ZNF385D: variants seen among roughly 807,000 people sequenced by gnomAD.
ZNF385D encodes the protein zinc finger protein 659.
In ZNF385D, 15 loss-of-function variants were observed where a neutral mutation model predicts 35.8. The ratio of observed to expected loss-of-function variants is 0.42; its 90% CI spans 0.28 to 0.64. The LOEUF (loss-of-function observed/expected upper bound fraction) is 0.64. ZNF385D is among the 30% of genes least tolerant of loss of function. The probability of loss-of-function intolerance (pLI) is 0.23; values close to 1 mark genes in which losing one functional copy is unlikely to be tolerated. For synonymous variants in ZNF385D, 212 were observed against 186.8 expected, an observed-to-expected ratio of 1.13 and a Z score of -1.10; for missense variants, 474 against 494.6, an observed-to-expected ratio of 0.96 and a Z score of 0.39.
In ZNF385D at chr3:21,415,679, C is replaced by A. The variant is rs542537844; in HGVS notation, c.*5535G>T. On this transcript the variant is annotated 3_prime_UTR_variant, in exon 8 of 8. Transcript: ENST00000281523. Reference sequence around the variant, plus strand: ...TAATTATACTTCTTTGCTCACAAATCATTTTAGCCCTAATCTTTAAAAATT... The same window carrying A: ...TAATTATACTTCTTTGCTCACAAATAATTTTAGCCCTAATCTTTAAAAATT... 7.2e-5 allele frequency: 11 copies of A among 152,182 alleles called. No homozygotes were observed. The highest frequency in any genetic ancestry group is 1.3e-4 in the Non-Finnish European group (9 of 67,994). The allele number at this position is 152,182 out of a possible 1,614,324, so 9.4% of individuals were successfully genotyped here.
At chr3:22,261,175 G>T (rs554833131) in intron 2 of ZNF385D, among the ~76,000 whole-genome samples, 1 of 151,720 alleles carries the variant, frequency 6.6e-6, no homozygotes, top group African/African-American at 2.4e-5. Flanking sequence ...TCTCAAATTT[G>T]TTGTTCATCC....
intron 3 of ZNF385D, among the ~76,000 whole-genome samples, chr3:22,078,818 G>T (rs1265265157): frequency 6.6e-6 from 1 of 151,872 alleles, no homozygotes; most frequent in Non-Finnish European, 1.5e-5. Context: ...AAAATAATAT[G>T]GATATATAAG....
At chr3:21,777,707 T>C (rs1285025076) in intron 3 of ZNF385D, 1 of 151,958 alleles carries the variant, frequency 6.6e-6, no homozygotes, top group African/African-American at 2.4e-5. Flanking sequence ...TTTTCCCTAA[T>C]AAGGCATATT....
intron 1 of ZNF385D, among the ~76,000 whole-genome samples, chr3:21,694,630 G>A (rs2067407597): frequency 1.3e-5 from 2 of 152,194 alleles, no homozygotes. Flanking sequence ...CTATGGTGAA[G>A]TAATCCCCTG....
intron 3 of ZNF385D, among the ~76,000 whole-genome samples, chr3:21,819,840 C>T (rs1162664397): frequency 1.4e-5 from 2 of 146,922 alleles, no homozygotes; most frequent in African/African-American, 2.5e-5. Flanking sequence ...AAATATAATA[C>T]ACATATATAC....
intron 3 of ZNF385D, among the ~76,000 whole-genome samples, chr3:21,874,372 G>T (rs143478105): frequency 1.3e-5 from 2 of 151,878 alleles, no homozygotes; most frequent in African/African-American, 4.8e-5. Context: ...TTGTTATTGA[G>T]TTGTAGGAAT....
intron 4 of ZNF385D, among the ~76,000 whole-genome samples, chr3:21,507,558 T>C (rs560479888): frequency 1.3e-5 from 2 of 152,198 alleles, no homozygotes; most frequent in Non-Finnish European, 2.9e-5. Context: ...ATCTACCTCT[T>C]CTTCTCCTTC....
chr3:21,964,443 A>AAG (rs1702778516), intron 3 of ZNF385D, among the ~76,000 whole-genome samples: 2 of 146,146 alleles, frequency 1.4e-5, no homozygotes, highest in Non-Finnish European at 3.0e-5. Flanking sequence ...GAAAAAAAAA[A>AAG]AAAGAAAAAG....
rs376561930 is a variant in ZNF385D at position 22,198,541 on chromosome 3, G to A, written c.107-29506C>T. Among the ~76,000 whole-genome samples the A allele has an allele frequency of 3.3e-5, 5 of 152,104 alleles. No individual in the cohort carries two copies. In the South Asian group the frequency reaches 6.2e-4, roughly 19 times the overall value. On this transcript the variant is annotated intron_variant, in intron 2 of 5. Transcript: ENST00000494108. ...TGTTTTCTAATATTATTGAATTGTA[G>A]GTATTTGTAAAGCAAGAACATTTTG...
chr3:21,734,464 T>C (rs572221009), intron 1 of ZNF385D, among the ~76,000 whole-genome samples: 1 of 152,120 alleles, frequency 6.6e-6, no homozygotes, highest in East Asian at 1.9e-4. Flanking sequence ...TATGCTCTTA[T>C]ATAAGATATT....
At position 21,884,819 on chromosome 3, in the gene ZNF385D, C is replaced by T. The variant is rs139116710; in HGVS notation, c.326-219791G>A. On this transcript the variant is annotated intron_variant, in intron 3 of 5. Coordinates refer to the ZNF385D transcript ENST00000494108. ...GCAATATTTACACGGTGGAAATTGG[C>T]AAACATTTTAAATAAAGGTTGATTT... Among the ~76,000 whole-genome samples, 704 of 152,076 alleles carry T rather than the reference C, an allele frequency of 4.6e-3. 9 individuals carry two copies. Among genetic ancestry groups the T allele is most frequent in the African/African-American group, 0.016 (684 of 41,502 alleles).
At chr3:22,112,391 C>A (rs1702581367) in intron 3 of ZNF385D, among the ~76,000 whole-genome samples, 1 of 151,920 alleles carries the variant, frequency 6.6e-6, no homozygotes. Flanking sequence ...AAATAATGCA[C>A]AAAAATATTA....
At chr3:21,739,064 C>T (rs190248835) in intron 1 of ZNF385D, among the ~76,000 whole-genome samples, 4 of 152,308 alleles carry the variant, frequency 2.6e-5, no homozygotes, top group East Asian at 1.9e-4. Context: ...CTCTCAGAAG[C>T]GTATGGCATT....
chr3:21,569,076 G>A (rs1054084009), intron 2 of ZNF385D, among the ~76,000 whole-genome samples: 1 of 152,140 alleles, frequency 6.6e-6, no homozygotes, highest in African/African-American at 2.4e-5. Context: ...TGTCTATTAG[G>A]TCCGCTTGGT....
chr3:22,285,195 A>C (rs564174706), intron 2 of ZNF385D, among the ~76,000 whole-genome samples: 22 of 152,284 alleles, frequency 1.4e-4, no homozygotes, highest in African/African-American at 4.8e-4. Flanking sequence ...ACTTATCTTC[A>C]AACAGGTTAC....
chr3:21,688,468 G>A (rs2067179996), intron 1 of ZNF385D, among the ~76,000 whole-genome samples: 1 of 152,198 alleles, frequency 6.6e-6, no homozygotes, highest in South Asian at 2.1e-4. Flanking sequence ...AAAAGATCAT[G>A]AATACTATGA....
At chr3:22,214,609 C>A (rs967648772) in intron 2 of ZNF385D, among the ~76,000 whole-genome samples, 1 of 151,960 alleles carries the variant, frequency 6.6e-6, no homozygotes, top group Non-Finnish European at 1.5e-5. Context: ...TCTAAAATGG[C>A]CGCTTCAGGG....
intron 3 of ZNF385D, among the ~76,000 whole-genome samples, chr3:21,988,630 G>A (rs937727266): frequency 1.3e-5 from 2 of 151,164 alleles, no homozygotes; most frequent in African/African-American, 4.8e-5. Flanking sequence ...TTGTTTGTCT[G>A]TGCCCTGCCC....
intron 3 of ZNF385D, among the ~76,000 whole-genome samples, chr3:21,919,815 T>C (rs1322025055): frequency 6.6e-6 from 1 of 152,232 alleles, no homozygotes; most frequent in East Asian, 1.9e-4. Context: ...ATTTTGATAT[T>C]ATTAAGTACA....
Sources: gnomAD v4.1 joint callset for allele counts (sites outside exome capture counted in the v4.1 genomes callset) on GRCh38, gnomAD v4.1.1 for gene constraint, MANE v1.5 for transcripts, NCBI Gene and HGNC (gene_info 2026-07-23, HGNC 2026-07-21) for gene names.